The following ATG10 variants were observed in gnomAD, a reference collection of about 807,000 sequenced individuals.
ATG10 encodes autophagy related 10, also known as ubiquitin-like-conjugating enzyme ATG10.
Under a neutral mutation model 32.1 loss-of-function variants are expected in ATG10, and 30 were observed. The ratio of observed to expected loss-of-function variants is 0.94; its 90% confidence interval spans 0.70 to 1.27. The LOEUF (loss-of-function observed/expected upper bound fraction) is 1.27. Ranked by LOEUF, ATG10 falls within the 50% of genes most tolerant of loss-of-function variation. ATG10 has a pLI of 0.00. For missense variants in ATG10, 233 were observed against 262.3 expected, an observed-to-expected ratio of 0.89 and a Z score of 0.77; for synonymous variants, 87 against 91.5, an observed-to-expected ratio of 0.95 and a Z score of 0.28.
At chr5:82,020,836 G>A (rs1248169160) in intron 2 of ATG10, among the ~76,000 whole-genome samples, 1 of 152,088 alleles carries the variant, frequency 6.6e-6, no homozygotes, top group Non-Finnish European at 1.5e-5. Context: ...ATGGATATAG[G>A]GAGAGAAAAA....
chr5:82,225,505 C>G (rs1746090826), intron 5 of ATG10, among the ~76,000 whole-genome samples: 1 of 152,168 alleles, frequency 6.6e-6, no homozygotes, highest in Admixed American at 6.5e-5. Flanking sequence ...TTTTGCTTTC[C>G]AAGCAGATTC....
At chr5:82,178,741 C>A (rs914967455) in intron 5 of ATG10, among the ~76,000 whole-genome samples, 154 bp downstream of exon 5, 26 of 152,038 alleles carry the variant, frequency 1.7e-4, no homozygotes, top group Middle Eastern at 3.4e-3. Flanking sequence ...TAAAAAAAAA[C>A]CTTCCCAGAC....
rs972837099 is a variant in ATG10, at chr5:82,022,120, T to C, written c.108+34442T>C. Among the ~76,000 whole-genome samples, 235 of 141,518 alleles carry C rather than the reference T, an allele frequency of 1.7e-3. 1 individual carries two copies. Among genetic ancestry groups the C allele is most frequent in the African/African-American group, 5.8e-3 (220 of 37,754 alleles). The allele number at this position is 141,518 out of a possible 152,430, so 92.8% of individuals were successfully genotyped here. ...AGGAGAATTACTTGAACCTGGGAGGTGGAGGTTGCAGTGAGCCGAGATTGC... is the reference window on the plus strand; with the variant it reads ...AGGAGAATTACTTGAACCTGGGAGGCGGAGGTTGCAGTGAGCCGAGATTGC... On this transcript the variant is annotated intron_variant, in intron 2 of 7. Coordinates refer to ENST00000282185, the MANE Select transcript of ATG10 (RefSeq NM_031482.5).
At chr5:82,136,278 C>T (rs1386508686) in intron 3 of ATG10, among the ~76,000 whole-genome samples, 1 of 152,116 alleles carries the variant, frequency 6.6e-6, no homozygotes, top group East Asian at 1.9e-4. Flanking sequence ...ATGATGCTAG[C>T]TGGTTATTTT....
chr5:82,193,006 G>C (rs1449879269), intron 5 of ATG10, among the ~76,000 whole-genome samples: 1 of 152,142 alleles, frequency 6.6e-6, no homozygotes, highest in African/African-American at 2.4e-5. Context: ...ATGATTAGTT[G>C]GATATGCTGT....
chr5:82,054,273 A>G (rs1340133733), intron 2 of ATG10, among the ~76,000 whole-genome samples: 1 of 152,198 alleles, frequency 6.6e-6, no homozygotes, highest in African/African-American at 2.4e-5. Flanking sequence ...TCTTTGAGTC[A>G]GGGATTGCAG....
intron 1 of ATG10, among the ~76,000 whole-genome samples, chr5:81,985,383 C>T (rs938842200): frequency 1.3e-5 from 2 of 151,928 alleles, no homozygotes; most frequent in Non-Finnish European, 2.9e-5. Flanking sequence ...GAAATGGGTT[C>T]TGTTACCATC....
intron 3 of ATG10, among the ~76,000 whole-genome samples, chr5:82,071,536 C>A (rs1032465997): frequency 6.6e-6 from 1 of 152,078 alleles, no homozygotes; most frequent in Non-Finnish European, 1.5e-5. Flanking sequence ...TCTTTGATCA[C>A]GCAGGGTATT....
At chr5:81,983,984 T>C (rs1454692214) in intron 1 of ATG10, among the ~76,000 whole-genome samples, 1 of 145,332 alleles carries the variant, frequency 6.9e-6, no homozygotes, top group Non-Finnish European at 1.5e-5. Flanking sequence ...CTAGATGGGA[T>C]GGCGGCCGGG....
At chr5:82,233,439 CT>C (rs1228007429) in intron 5 of ATG10, among the ~76,000 whole-genome samples, 1 of 152,076 alleles carries the variant, frequency 6.6e-6, no homozygotes, top group Non-Finnish European at 1.5e-5. Context: ...TATATTGTTC[CT>C]TCGTTTATAT....
At chr5:81,993,549 C>T (rs1761571289) in intron 2 of ATG10, among the ~76,000 whole-genome samples, 1 of 150,944 alleles carries the variant, frequency 6.6e-6, no homozygotes, top group Non-Finnish European at 1.5e-5. Context: ...CTACCTCAGC[C>T]TCTGAGTAGC....
intron 3 of ATG10, among the ~76,000 whole-genome samples, chr5:82,065,005 G>A (rs190585460): frequency 6.6e-6 from 1 of 152,140 alleles, no homozygotes; most frequent in African/African-American, 2.4e-5. Flanking sequence ...CTTTTGTTAA[G>A]TTCTGGCTTT....
At chr5:82,199,398 T>G (rs934465703) in intron 5 of ATG10, among the ~76,000 whole-genome samples, 3 of 152,202 alleles carry the variant, frequency 2.0e-5, no homozygotes, top group African/African-American at 7.2e-5. Context: ...TTAATAAATT[T>G]CCCAAGTCTT....
intron 5 of ATG10, among the ~76,000 whole-genome samples, chr5:82,219,167 AT>A (rs1374720500): frequency 6.6e-6 from 1 of 152,240 alleles, no homozygotes; most frequent in Non-Finnish European, 1.5e-5. Context: ...TTTCTAGAAG[AT>A]TGAGTTTAAA....
intron 5 of ATG10, among the ~76,000 whole-genome samples, chr5:82,214,340 T>C (rs930712466): frequency 1.3e-5 from 2 of 152,180 alleles, no homozygotes; most frequent in Admixed American, 1.3e-4. Flanking sequence ...TAGGTGAAAC[T>C]ACAACCAAAA....
chr5:82,052,661 G>C (rs1203136383), intron 2 of ATG10, among the ~76,000 whole-genome samples: 1 of 152,116 alleles, frequency 6.6e-6, no homozygotes, highest in East Asian at 1.9e-4. Context: ...GTGATACCAT[G>C]GTCTTGGGTA....
At chr5:82,139,210 C>G (rs900313116) in intron 3 of ATG10, among the ~76,000 whole-genome samples, 3 of 146,326 alleles carry the variant, frequency 2.1e-5, no homozygotes, top group African/African-American at 7.8e-5. Flanking sequence ...ACCTCCCAGC[C>G]GCCTGCCTTG....
At chr5:82,205,496 G>A (rs1468040018) in intron 5 of ATG10, among the ~76,000 whole-genome samples, 1 of 152,178 alleles carries the variant, frequency 6.6e-6, no homozygotes, top group Non-Finnish European at 1.5e-5. Context: ...GAAAAGGTAG[G>A]ATGGTAGTGG....
chr5:82,000,871 G>A (rs950601406), intron 2 of ATG10, among the ~76,000 whole-genome samples: 15 of 152,094 alleles, frequency 9.9e-5, no homozygotes, highest in African/African-American at 3.6e-4. Context: ...TGGCTACCCT[G>A]GTCTTGAACT....
Sources: gnomAD v4.1 joint callset for allele counts (sites outside exome capture counted in the v4.1 genomes callset) on GRCh38, gnomAD v4.1.1 for gene constraint, MANE v1.5 for transcripts, NCBI Gene and HGNC (gene_info 2026-07-23, HGNC 2026-07-21) for gene names.